Variants in SLC13A3 observed in about 807,000 individuals in gnomAD.
SLC13A3 encodes the protein Na(+)/dicarboxylate cotransporter 3.
Under a neutral mutation model 59.0 loss-of-function variants are expected in SLC13A3, and 40 were observed. The ratio of observed to expected loss-of-function variants is 0.68; its 90% confidence interval spans 0.53 to 0.88. SLC13A3 has a LOEUF of 0.88. Among genes scored for constraint, SLC13A3 ranks in the 40% least tolerant of loss-of-function variants. The pLI is 0.00. For synonymous variants in SLC13A3, 317 were observed against 330.3 expected, an observed-to-expected ratio of 0.96 and a Z score of 0.44; for missense variants, 699 against 783.2, an observed-to-expected ratio of 0.89 and a Z score of 1.28.
chr20:46,621,717 G>A (rs775538765), intron 1 of SLC13A3, among the ~76,000 whole-genome samples: 5 of 152,182 alleles, frequency 3.3e-5, no homozygotes, highest in Non-Finnish European at 5.9e-5. Flanking sequence ...CAATCTCTGT[G>A]TGGAACTTCC....
At chr20:46,582,797 A>G in intron 9 of SLC13A3, 1 of 985,264 alleles carries the variant, frequency 1.0e-6, no homozygotes, top group African/African-American at 1.7e-5. Flanking sequence ...ACTCCGGAGG[A>G]GCTCATCCAA....
chr20:46,603,990 CAA>C (rs532575671), intron 3 of SLC13A3, among the ~76,000 whole-genome samples: 29 of 64,458 alleles, frequency 4.5e-4, no homozygotes, highest in Non-Finnish European at 3.9e-4. Context: ...GACGCCATCT[CAA>C]AAAAAAAAAA....
chr20:46,675,158 G>A (rs2063116968), intron 1 of SLC13A3, among the ~76,000 whole-genome samples: 1 of 152,014 alleles, frequency 6.6e-6, no homozygotes, highest in African/African-American at 2.4e-5. Flanking sequence ...GAGAGGAACA[G>A]CAGAGGGGTC....
In SLC13A3 at chr20:46,560,100, C is replaced by T. The variant is rs757007627; in HGVS notation, c.1731G>A (p.Pro577=). ...TGACCGAGTACATATCAGCCCAGTCCGGGAAGGTGCCCAGCTGGAAGATGG... is the reference window on the plus strand; with the variant it reads ...TGACCGAGTACATATCAGCCCAGTCTGGGAAGGTGCCCAGCTGGAAGATGG... The part of the protein sequence containing the change: ...AQTIFQLGTF[P]DWADMYSVNV... The change falls in exon 13 of 13, where the codon CCG becomes CCA. Residue 577 remains proline (P), a synonymous_variant. Coordinates refer to ENST00000279027, the MANE Select transcript of SLC13A3 (RefSeq NM_022829.6). 6.8e-6 allele frequency: 11 copies of T among 1,614,008 alleles called. No individual in the cohort carries two copies. Among genetic ancestry groups the T allele is most frequent in the East Asian group, 2.2e-5 (1 of 44,896 alleles).
rs1418134773 is a variant in SLC13A3, at chr20:46,651,296, C to T, written c.111+15G>A. The T allele has an allele frequency of 1.4e-6, 2 of 1,480,410 alleles. No individual in the cohort carries two copies. The highest frequency in any genetic ancestry group is 1.8e-6 in the Non-Finnish European group (2 of 1,116,606). 91.7% of individuals were successfully genotyped at this position (1,480,410 alleles called of 1,614,324 possible). Reference sequence around the variant, plus strand: ...CTGTGGTTGACCGGGGGCGCACAGGCGGAGGAGGCGTTACCTTGGGCGGGA... The same window carrying T: ...CTGTGGTTGACCGGGGGCGCACAGGTGGAGGAGGCGTTACCTTGGGCGGGA... On this transcript the variant is annotated intron_variant, in intron 1 of 12. Coordinates refer to ENST00000279027, the MANE Select transcript of SLC13A3 (RefSeq NM_022829.6).
At chr20:46,576,225 GTCTC>G (rs1445094881) in intron 9 of SLC13A3, among the ~76,000 whole-genome samples, 2 of 152,138 alleles carry the variant, frequency 1.3e-5, no homozygotes, top group Non-Finnish European at 2.9e-5. Context: ...AGGCCACACA[GTCTC>G]TGTTGTCACT....
chr20:46,566,485 C>A (rs778508926), intron 10 of SLC13A3, 95 bp from the exon 11 acceptor site: 3 of 1,402,102 alleles, frequency 2.1e-6, no homozygotes, highest in Admixed American at 4.7e-5. Flanking sequence ...GACGACCATA[C>A]CCCTTCCCAG....
intron 4 of SLC13A3, among the ~76,000 whole-genome samples, 197 bp from the exon 5 acceptor site, chr20:46,596,539 G>A (rs1293821459): frequency 6.6e-6 from 1 of 152,158 alleles, no homozygotes; most frequent in Non-Finnish European, 1.5e-5. Context: ...AGTGTCTCAG[G>A]TGTGGGTACA....
upstream of SLC13A3, among the ~76,000 whole-genome samples, chr20:46,672,531 G>A (rs1174731010): frequency 2.6e-5 from 4 of 152,166 alleles, no homozygotes; most frequent in Admixed American, 2.0e-4. Flanking sequence ...CAGTTCAAAT[G>A]CCAGTCCATA....
intron 9 of SLC13A3, among the ~76,000 whole-genome samples, chr20:46,581,045 T>A (rs2062131734): frequency 6.6e-6 from 1 of 152,218 alleles, no homozygotes; most frequent in Admixed American, 6.5e-5. Flanking sequence ...GCCTATGGGG[T>A]AGCCCCACTC....
intron 9 of SLC13A3, among the ~76,000 whole-genome samples, chr20:46,579,977 T>C (rs2062119038): frequency 6.6e-6 from 1 of 152,124 alleles, no homozygotes; most frequent in Non-Finnish European, 1.5e-5. Context: ...ACTACTTTTT[T>C]TTTTTTGAGA....
In SLC13A3 at chr20:46,592,538, C is replaced by T. The variant is rs1315514313; in HGVS notation, c.795-9G>A. The T allele has an allele frequency of 6.2e-7, 1 of 1,613,024 alleles. No homozygotes were observed. Among genetic ancestry groups the T allele is most frequent in the Non-Finnish European group, 8.5e-7 (1 of 1,179,408 alleles). On this transcript the variant is annotated splice_polypyrimidine_tract_variant and intron_variant, in intron 5 of 12. Transcript: ENST00000279027. ...CACACTGCGGAAAGAAACTGGAGAACAGCGGGAGATGAGAACAGGCCAAGG... is the reference window on the plus strand; with the variant it reads ...CACACTGCGGAAAGAAACTGGAGAATAGCGGGAGATGAGAACAGGCCAAGG...
upstream of SLC13A3, among the ~76,000 whole-genome samples, chr20:46,674,316 G>T (rs375858714): frequency 6.6e-6 from 1 of 152,160 alleles, no homozygotes. Flanking sequence ...TTCCCCTGGA[G>T]GGGGAAGTCA....
chr20:46,653,900 CAT>C (rs1411979024), upstream of SLC13A3, among the ~76,000 whole-genome samples: 1 of 152,084 alleles, frequency 6.6e-6, no homozygotes, highest in Non-Finnish European at 1.5e-5. Flanking sequence ...CAGCTATAAA[CAT>C]AGGTGTACAA....
intron 1 of SLC13A3, among the ~76,000 whole-genome samples, chr20:46,619,884 G>T (rs2062597828): frequency 1.3e-5 from 2 of 152,300 alleles, no homozygotes; most frequent in African/African-American, 4.8e-5. Context: ...AAGAACATGG[G>T]CTTGTTGCAA....
At chr20:46,641,778 C>T (rs188208929) in intron 1 of SLC13A3, among the ~76,000 whole-genome samples, 69 of 152,284 alleles carry the variant, frequency 4.5e-4, no homozygotes, top group African/African-American at 1.3e-3. Flanking sequence ...GGGACTGCCC[C>T]TTCCCAGGGC....
At chr20:46,580,720 T>C (rs78593919) in intron 9 of SLC13A3, among the ~76,000 whole-genome samples, 3,332 of 152,114 alleles carry the variant, frequency 0.022, 126 homozygotes, top group African/African-American at 0.076. Flanking sequence ...ATCTATGTCA[T>C]AGTGAGGTAG....
At chr20:46,572,687 G>C (rs554219193) in intron 10 of SLC13A3, among the ~76,000 whole-genome samples, 1 of 152,304 alleles carries the variant, frequency 6.6e-6, no homozygotes, top group East Asian at 1.9e-4. Flanking sequence ...ACTGTGCTGG[G>C]CTGTGTTCTC....
At position 46,560,319 on chromosome 20, in the gene SLC13A3, C is replaced by A. The variant is rs549822308; in HGVS notation, c.1633-121G>T. On this transcript the variant is annotated intron_variant, in intron 12 of 12. Transcript: ENST00000279027. Reference sequence around the variant, plus strand: ...ATCGCACAGCCAGGAAGTGATGGAGCCAGGACACAGACCCAGGTCGGTAAA... The same window carrying A: ...ATCGCACAGCCAGGAAGTGATGGAGACAGGACACAGACCCAGGTCGGTAAA... 5 of 912,410 alleles carry A rather than the reference C, an allele frequency of 5.5e-6. No homozygotes were observed. In the South Asian group the frequency reaches 7.7e-5, roughly 14 times the overall value. The allele number at this position is 912,410 out of a possible 1,614,324, so 56.5% of individuals were successfully genotyped here.
Sources: allele counts gnomAD v4.1 joint callset (sites outside exome capture counted in the v4.1 genomes callset), GRCh38; gene constraint gnomAD v4.1.1; transcripts MANE v1.5; gene names NCBI Gene and HGNC (gene_info 2026-07-23, HGNC 2026-07-21).